CHM: variants seen among roughly 807,000 people sequenced by gnomAD.
The protein encoded by CHM is rab proteins geranylgeranyltransferase component A 1.
A neutral mutation model predicts 49.0 loss-of-function variants in CHM; 10 were observed. The observed-to-expected ratio is 0.20, with a 90% CI of 0.13 to 0.35. The LOEUF (loss-of-function observed/expected upper bound fraction) is 0.35. CHM is among the 10% of genes least tolerant of loss of function. CHM has a pLI of 1.00. For synonymous variants in CHM, 184 were observed against 167.5 expected (o/e 1.10, Z -0.76); for missense variants, 455 against 478.4 (o/e 0.95, Z 0.46).
At chrX:85,894,992 G>T (rs185234875) in intron 11 of CHM, among the ~76,000 whole-genome samples, 3 of 110,941 alleles carry the variant, frequency 2.7e-5, no homozygotes, top group African/African-American at 9.8e-5. Flanking sequence ...AATAAAACTA[G>T]AAATTCAGAA....
At chrX:85,867,311 G>T (rs928002512) in intron 14 of CHM, among the ~76,000 whole-genome samples, 1 of 111,584 alleles carries the variant, frequency 9.0e-6, no homozygotes, top group African/African-American at 3.3e-5. Flanking sequence ...TGTAAGACAT[G>T]CCTTGCTTCC....
intron 2 of CHM, among the ~76,000 whole-genome samples, chrX:85,996,439 C>T (rs894254163): frequency 1.8e-5 from 2 of 111,125 alleles, no homozygotes; most frequent in African/African-American, 6.5e-5. Context: ...CACAAAAATC[C>T]GGCTCTACTA....
chrX:85,947,811 A>G (rs1164050292), intron 8 of CHM, among the ~76,000 whole-genome samples: 1 of 112,352 alleles, frequency 8.9e-6, no homozygotes, highest in Non-Finnish European at 1.9e-5. Flanking sequence ...CAGTCAGGAA[A>G]ATTTCATCTG....
intron 1 of CHM, among the ~76,000 whole-genome samples, chrX:86,037,428 T>G (rs1275662089): frequency 9.0e-6 from 1 of 111,468 alleles, no homozygotes; most frequent in Non-Finnish European, 1.9e-5. Flanking sequence ...AATTTTTACT[T>G]AATTTTCTTA....
intron 9 of CHM, among the ~76,000 whole-genome samples, chrX:85,902,018 T>C (rs1431401670): frequency 1.8e-5 from 2 of 111,890 alleles, no homozygotes; most frequent in Non-Finnish European, 3.8e-5. Context: ...GCAACATCCT[T>C]GAAATGGACT....
At chrX:86,025,534 G>GAACTTT (rs1486369638) in intron 2 of CHM, among the ~76,000 whole-genome samples, 1 of 109,326 alleles carries the variant, frequency 9.1e-6, no homozygotes, top group Non-Finnish European at 1.9e-5. Flanking sequence ...AAAGTTAGCT[G>GAACTTT]GGTGCAACGG....
At chrX:85,971,348 C>G (rs1483711731) in intron 4 of CHM, 1 of 305,855 alleles carries the variant, frequency 3.3e-6, no homozygotes, top group Non-Finnish European at 4.4e-6. Context: ...TAAGGTGGCA[C>G]GTCTGGAGTT....
intron 12 of CHM, among the ~76,000 whole-genome samples, chrX:85,881,836 C>A (rs947327014): frequency 1.8e-5 from 2 of 111,498 alleles, no homozygotes; most frequent in African/African-American, 6.5e-5. Flanking sequence ...ATTTATTTAC[C>A]AAAACTGTAA....
Position 85,919,966 on chromosome X carries a change from G to T in CHM, c.1167-8628C>A, listed in dbSNP as rs923907900. Among the ~76,000 whole-genome samples the T allele has an allele frequency of 4.5e-5, 5 of 111,068 alleles. No homozygotes were observed. The Admixed American group carries it at 4.8e-4, about 11-fold the overall frequency. On this transcript the variant is annotated intron_variant, in intron 8 of 14. Coordinates refer to ENST00000357749, the MANE Select transcript of CHM (RefSeq NM_000390.4). ...CACACAAAATGAGTATTGATATAAA[G>T]ACTCCTCTGTATGCTATTCTTATCA...
chrX:85,879,355 G>A (rs1415116586), intron 12 of CHM, among the ~76,000 whole-genome samples: 1 of 111,598 alleles, frequency 9.0e-6, no homozygotes, highest in Non-Finnish European at 1.9e-5. Flanking sequence ...CTGAAAGTGA[G>A]GTATGTATTT....
chrX:85,929,729 T>A (rs142823040), intron 8 of CHM, among the ~76,000 whole-genome samples: 3,664 of 112,033 alleles, frequency 0.033, 148 homozygotes, highest in African/African-American at 0.11. Flanking sequence ...ATTCTAAATA[T>A]GCATATGATA....
At chrX:85,920,386 G>T (rs564696265) in intron 8 of CHM, among the ~76,000 whole-genome samples, 1 of 111,734 alleles carries the variant, frequency 8.9e-6, no homozygotes, top group African/African-American at 3.3e-5. Context: ...GTGAGCCACC[G>T]TGCCCGGCCC....
intron 14 of CHM, among the ~76,000 whole-genome samples, chrX:85,867,045 A>G: frequency 8.9e-6 from 1 of 111,928 alleles, no homozygotes; most frequent in Non-Finnish European, 1.9e-5. Context: ...GGAAGGGATG[A>G]TTGGTTTTGA....
At chrX:86,015,097 C>A (rs1933237521) in intron 2 of CHM, among the ~76,000 whole-genome samples, 1 of 110,228 alleles carries the variant, frequency 9.1e-6, no homozygotes, top group South Asian at 3.9e-4. Flanking sequence ...GAAACTTCTT[C>A]ATGTGTCACT....
intron 2 of CHM, among the ~76,000 whole-genome samples, chrX:85,986,041 C>A (rs950694601): frequency 9.0e-6 from 1 of 111,108 alleles, no homozygotes; most frequent in African/African-American, 3.3e-5. Context: ...AACGAAGAAG[C>A]AAAGACCCTA....
intron 11 of CHM, among the ~76,000 whole-genome samples, chrX:85,896,952 AC>A (rs1488636567): frequency 2.1e-5 from 2 of 96,503 alleles, no homozygotes; most frequent in Non-Finnish European, 4.0e-5. Flanking sequence ...AATATATAAT[AC>A]ATGAAATTAA....
chrX:85,956,426 A>T (rs1466413092), intron 7 of CHM, 48 bp from the exon 8 acceptor site: 1 of 1,166,246 alleles, frequency 8.6e-7, no homozygotes, highest in African/African-American at 1.8e-5. Context: ...CTAAACTTCT[A>T]TTTAAAACCA....
At position 85,864,367 on chromosome X, in the gene CHM, T is replaced by G; in HGVS notation, c.*263A>C. 1 of 353,759 alleles carries G rather than the reference T, an allele frequency of 2.8e-6. No homozygotes were observed. The highest frequency in any genetic ancestry group is 5.0e-6 in the Non-Finnish European group (1 of 199,995). The allele number at this position is 353,759 out of a possible 1,213,427, so 29.2% of individuals were successfully genotyped here. ...GATCACTTTCATATCCACAGTTACA[T>G]TCCTGAGAATCAATTGATTTATAAT... On this transcript the variant is annotated 3_prime_UTR_variant, in exon 15 of 15. Transcript: ENST00000357749.
At chrX:85,993,425 C>T (rs1013758571) in intron 2 of CHM, among the ~76,000 whole-genome samples, 6 of 111,513 alleles carry the variant, frequency 5.4e-5, no homozygotes, top group Non-Finnish European at 1.1e-4. Context: ...ACCACTGCTG[C>T]ATTATTTCAG....
Sources: allele counts gnomAD v4.1 joint callset (sites outside exome capture counted in the v4.1 genomes callset), GRCh38; gene constraint gnomAD v4.1.1; transcripts MANE v1.5; gene names NCBI Gene and HGNC (gene_info 2026-07-23, HGNC 2026-07-21).